Variants in RRM2B observed in about 807,000 individuals in gnomAD.
The protein encoded by RRM2B is ribonucleotide reductase regulatory TP53 inducible subunit M2B, also known as ribonucleoside-diphosphate reductase subunit M2 B.
Under a neutral mutation model 45.9 loss-of-function variants are expected in RRM2B, and 20 were observed. The ratio of observed to expected loss-of-function variants is 0.44; its 90% CI spans 0.31 to 0.63. The LOEUF is 0.63. Among genes scored for constraint, RRM2B ranks in the 30% least tolerant of loss-of-function variants. RRM2B has a pLI of 0.09. For synonymous variants in RRM2B, 124 were observed against 132.3 expected (o/e 0.94, Z 0.43); for missense variants, 320 against 414.7 (o/e 0.77, Z 1.98).
chr8:102,214,492 A>G, intron 6 of RRM2B: 1 of 268,046 alleles, frequency 3.7e-6, no homozygotes, highest in East Asian at 9.1e-5. Flanking sequence ...TAATTTTTAA[A>G]TTTCAAAAAT....
At chr8:102,219,006 T>A (rs1350958108) in intron 5 of RRM2B, 59 bp from the exon 6 acceptor site, 1 of 1,464,936 alleles carries the variant, frequency 6.8e-7, no homozygotes, top group Non-Finnish European at 9.5e-7. Flanking sequence ...TGCATATATA[T>A]ATATACACAT....
At chr8:102,217,135 T>C (rs1408459199) in intron 6 of RRM2B, among the ~76,000 whole-genome samples, 2 of 152,128 alleles carry the variant, frequency 1.3e-5, no homozygotes, top group African/African-American at 4.8e-5. Flanking sequence ...ATTCATTAGA[T>C]TATACATTTA....
chr8:102,238,267 A>T (rs1257080733), intron 1 of RRM2B, among the ~76,000 whole-genome samples: 2 of 152,216 alleles, frequency 1.3e-5, no homozygotes, highest in Admixed American at 6.5e-5. Context: ...CCGAAGATTC[A>T]GTTAGTTAAG....
rs1810524386 is a variant in RRM2B at position 102,205,255 on chromosome 8, G to A, written c.*2878C>T. Reference sequence around the variant, plus strand: ...TGAAATTTGGGAATTCTATGACAGTGATGTTAGCATATTTAAATGTAAAAT... The same window carrying A: ...TGAAATTTGGGAATTCTATGACAGTAATGTTAGCATATTTAAATGTAAAAT... On this transcript the variant is annotated 3_prime_UTR_variant, in exon 9 of 9. Transcript: ENST00000251810. 1.3e-5 allele frequency: 2 copies of A among 152,126 alleles called. No homozygotes were observed. 9.4% of individuals were successfully genotyped at this position (152,126 alleles called of 1,614,324 possible).
At chr8:102,231,909 A>C (rs982838269) in intron 2 of RRM2B, among the ~76,000 whole-genome samples, 1 of 152,060 alleles carries the variant, frequency 6.6e-6, no homozygotes, top group African/African-American at 2.4e-5. Flanking sequence ...AAATGTTCTA[A>C]TATATTGGAA....
At chr8:102,235,923 G>A (rs1480797781) in intron 1 of RRM2B, among the ~76,000 whole-genome samples, 1 of 152,172 alleles carries the variant, frequency 6.6e-6, no homozygotes, top group African/African-American at 2.4e-5. Context: ...TGCAGAACAC[G>A]AGTGATGGAG....
At chr8:102,218,198 G>C (rs1810765371) in intron 6 of RRM2B, among the ~76,000 whole-genome samples, 2 of 152,176 alleles carry the variant, frequency 1.3e-5, no homozygotes. Flanking sequence ...TTAGATGGTA[G>C]CTGATTCCAT....
chr8:102,222,111 G>A (rs1219352235), intron 5 of RRM2B, among the ~76,000 whole-genome samples: 1 of 147,670 alleles, frequency 6.8e-6, no homozygotes, highest in Non-Finnish European at 1.5e-5. Context: ...TCTGGGTCTT[G>A]CTCTGTCACC....
At position 102,225,558 on chromosome 8, in the gene RRM2B, A is replaced by T. The variant is rs979262908; in HGVS notation, c.321+360T>A. On this transcript the variant is annotated intron_variant, in intron 3 of 8. Transcript: ENST00000251810. ...ATCTTTCTAATTCTTTTTAAAAAGA[A>T]ATTATGCCTCCTGATCAACCATAAT... 5.3e-5 allele frequency among the ~76,000 whole-genome samples: 8 copies of T among 152,264 alleles called. No homozygotes were observed. The East Asian group carries it at 1.5e-3, about 29-fold the overall frequency.
chr8:102,211,231 A>C (rs980267126), intron 8 of RRM2B, among the ~76,000 whole-genome samples: 1 of 152,204 alleles, frequency 6.6e-6, no homozygotes, highest in Non-Finnish European at 1.5e-5. Context: ...CCTAGACTCA[A>C]GTGATTCTTC....
chr8:102,237,517 C>G (rs1209532487), intron 1 of RRM2B, among the ~76,000 whole-genome samples: 1 of 152,208 alleles, frequency 6.6e-6, no homozygotes, highest in African/African-American at 2.4e-5. Flanking sequence ...TCCTATTATG[C>G]ACTCTGGCAT....
intron 5 of RRM2B, among the ~76,000 whole-genome samples, chr8:102,223,609 T>G (rs987147423): frequency 6.6e-6 from 1 of 150,422 alleles, no homozygotes; most frequent in Admixed American, 6.7e-5. Flanking sequence ...GCAGGGAGAA[T>G]TGCTTGAACT....
chr8:102,228,243 C>A (rs1281354542), intron 2 of RRM2B, among the ~76,000 whole-genome samples: 6 of 152,142 alleles, frequency 3.9e-5, no homozygotes, highest in Non-Finnish European at 8.8e-5. Flanking sequence ...GACAGCTTGA[C>A]AGCATTCCTT....
intron 6 of RRM2B, among the ~76,000 whole-genome samples, chr8:102,218,405 C>T (rs901346746): frequency 6.6e-6 from 1 of 152,138 alleles, no homozygotes; most frequent in African/African-American, 2.4e-5. Context: ...CATGTCACCA[C>T]AGCATTTTTC....
chr8:102,223,641 A>G (rs1810872614), intron 5 of RRM2B, among the ~76,000 whole-genome samples: 1 of 148,590 alleles, frequency 6.7e-6, no homozygotes, highest in African/African-American at 2.5e-5. Context: ...AGTTGCAGTG[A>G]GCCAGGATCA....
rs1383984045 is a variant in RRM2B, at chr8:102,207,367, G to A, written c.*766C>T. On this transcript the variant is annotated 3_prime_UTR_variant, in exon 9 of 9. Transcript: ENST00000251810. ...CAGAGCTAAATCTGGCAATAGTTATGTTTTTAATTTCTGAAGAAGAATCAT... is the reference window on the plus strand; with the variant it reads ...CAGAGCTAAATCTGGCAATAGTTATATTTTTAATTTCTGAAGAAGAATCAT... The A allele has an allele frequency of 6.6e-6, 1 of 152,264 alleles. No homozygotes were observed. The highest frequency in any genetic ancestry group is 6.5e-5 in the Admixed American group (1 of 15,300). The allele number at this position is 152,264 out of a possible 1,614,324, so 9.4% of individuals were successfully genotyped here.
Position 102,238,841 on chromosome 8 carries a change from G to A in RRM2B, c.34C>T (p.Leu12=). ...GDPERPEAAG[L]DQDERSSSDT... is the part of the protein sequence containing the mutation. Reference sequence around the variant, plus strand: ...GCAACATTTACCTCATCCTGATCCAGCCCGGCCGCTTCCGGCCTTTCCGGG... The same window carrying A: ...GCAACATTTACCTCATCCTGATCCAACCCGGCCGCTTCCGGCCTTTCCGGG... Residue 12 remains leucine (L), a synonymous_variant, in exon 1 of 9, where the codon CTG becomes TTG. Coordinates refer to ENST00000251810, the MANE Select transcript of RRM2B (RefSeq NM_015713.5). 1 of 1,613,454 alleles carries A rather than the reference G, an allele frequency of 6.2e-7. No homozygotes were observed. Among genetic ancestry groups the A allele is most frequent in the South Asian group, 1.1e-5 (1 of 91,088 alleles).
In RRM2B at chr8:102,206,314, T is replaced by C. The variant is rs970854766; in HGVS notation, c.*1819A>G. 1.3e-5 allele frequency: 2 copies of C among 152,164 alleles called. No homozygotes were observed. The highest frequency in any genetic ancestry group is 4.8e-5 in the African/African-American group (2 of 41,458). The allele number at this position is 152,164 out of a possible 1,614,324, so 9.4% of individuals were successfully genotyped here. A position where few individuals can be genotyped will look rare whatever the true frequency, so the allele number is the denominator to read the frequency against. ...ATTTAACTTCCCTGAGCCTCATTCTTTCCATCTGTAATATTTCAATAACAG... is the reference window on the plus strand; with the variant it reads ...ATTTAACTTCCCTGAGCCTCATTCTCTCCATCTGTAATATTTCAATAACAG... On this transcript the variant is annotated 3_prime_UTR_variant, in exon 9 of 9. Transcript: ENST00000251810.
At chr8:102,228,956 T>C (rs1321608049) in intron 2 of RRM2B, among the ~76,000 whole-genome samples, 1 of 152,228 alleles carries the variant, frequency 6.6e-6, no homozygotes, top group Non-Finnish European at 1.5e-5. Flanking sequence ...TTTCTTTTAT[T>C]TACTCTAACA....
Sources: gnomAD v4.1 joint callset for allele counts (sites outside exome capture counted in the v4.1 genomes callset) on GRCh38, gnomAD v4.1.1 for gene constraint, MANE v1.5 for transcripts, NCBI Gene and HGNC (gene_info 2026-07-23, HGNC 2026-07-21) for gene names.